The following CDH3 variants were observed in gnomAD, a reference collection of about 807,000 sequenced individuals.
CDH3 encodes the protein cadherin 3, also known as cadherin-3.
In CDH3, 54 loss-of-function variants were observed where a neutral mutation model predicts 82.0. The observed-to-expected ratio is 0.66, with a 90% CI of 0.53 to 0.83. The LOEUF is 0.83. Ranked by LOEUF, CDH3 falls within the 40% of genes least tolerant of loss-of-function variation. The pLI is 0.00. For missense variants in CDH3, 1,054 were observed against 1,084.6 expected (o/e 0.97, Z 0.40); for synonymous variants, 446 against 437.9 (o/e 1.02, Z -0.23).
intron 2 of CDH3, among the ~76,000 whole-genome samples, chr16:68,648,232 T>C (rs1230672312): frequency 6.6e-6 from 1 of 152,196 alleles, no homozygotes; most frequent in Non-Finnish European, 1.5e-5. Flanking sequence ...ATGAACTTCT[T>C]TGAGGGTGAC....
chr16:68,726,895 A>C (rs1316355961), intron 2 of CDH3, among the ~76,000 whole-genome samples: 1 of 152,060 alleles, frequency 6.6e-6, no homozygotes, highest in Admixed American at 6.6e-5. Flanking sequence ...TGTCATTTTT[A>C]TTGTGTGTGA....
chr16:68,678,627 C>A lies in CDH3; in HGVS notation c.517C>A (p.Leu173Met). The change falls in exon 5 of 16, where the codon CTG (leucine) becomes ATG (methionine). Residue 173 changes from leucine (L) to methionine (M), a missense_variant. Transcript: ENST00000264012. Reference sequence around the variant, plus strand: ...AGGCTGGTTGTTGTTGAATAAGCCACTGGACCGGGAGGAGATTGCCAAGTA... The same window carrying A: ...AGGCTGGTTGTTGTTGAATAAGCCAATGGACCGGGAGGAGATTGCCAAGTA... The part of the protein sequence containing the change: ...ETGWLLLNKP[L>M]DREEIAKYEL... 6.2e-7 allele frequency: 1 copy of A among 1,614,252 alleles called. No homozygotes were observed. Among genetic ancestry groups the A allele is most frequent in the Non-Finnish European group, 8.5e-7 (1 of 1,180,056 alleles).
chr16:68,661,512 T>C (rs1027117136), intron 2 of CDH3, among the ~76,000 whole-genome samples: 2 of 152,232 alleles, frequency 1.3e-5, no homozygotes, highest in African/African-American at 4.8e-5. Flanking sequence ...GAATAGTTTG[T>C]ATACATATTT....
rs17715450 is a variant in CDH3 at position 68,695,882 on chromosome 16, C to A, written c.2239C>A (p.Arg747=). The A allele has an allele frequency of 0.57, 913,344 of 1,613,546 alleles. 262,681 individuals are homozygous for A. The highest frequency in any genetic ancestry group is 0.59 in the Non-Finnish European group (696,860 of 1,179,726). Residue 747 remains arginine, a synonymous_variant, in exon 15 of 16, where the codon CGG becomes AGG. Transcript: ENST00000264012. ...TIIPTPMYRP[R]PANPDEIGNF... ...CATCCCGACACCCATGTACCGTCCTCGGCCAGCCAACCCAGATGAAATCGG... is the reference window on the plus strand; with the variant it reads ...CATCCCGACACCCATGTACCGTCCTAGGCCAGCCAACCCAGATGAAATCGG...
At chr16:68,673,931 C>G (rs1960961728) in intron 2 of CDH3, among the ~76,000 whole-genome samples, 1 of 152,020 alleles carries the variant, frequency 6.6e-6, no homozygotes, top group Non-Finnish European at 1.5e-5. Flanking sequence ...AAAAAAGATT[C>G]ATCTCTTGAT....
intron 1 of CDH3, among the ~76,000 whole-genome samples, chr16:68,713,469 C>T (rs1000706288): frequency 1.3e-5 from 2 of 151,856 alleles, no homozygotes; most frequent in Admixed American, 6.6e-5. Context: ...TACAAACCCT[C>T]CACCCCTCCT....
intron 6 of CDH3, among the ~76,000 whole-genome samples, chr16:68,679,114 T>C (rs1275318364): frequency 5.9e-5 from 9 of 152,218 alleles, no homozygotes; most frequent in Admixed American, 3.9e-4. Flanking sequence ...AAATTTTCCC[T>C]AAAGCTTCAG....
chr16:68,678,322 C>A, intron 4 of CDH3, 45 bp downstream of exon 4: 6 of 1,607,978 alleles, frequency 3.7e-6, no homozygotes, highest in Non-Finnish European at 5.1e-6. Flanking sequence ...GCTCCAGGGA[C>A]CCCCATCCAA....
chr16:68,655,123 TG>T (rs1333177364), intron 2 of CDH3, among the ~76,000 whole-genome samples: 1 of 152,120 alleles, frequency 6.6e-6, no homozygotes, highest in African/African-American at 2.4e-5. Flanking sequence ...GCAATCGTCT[TG>T]CCTCACCCTC....
At chr16:68,726,005 G>C (rs1567466502) in intron 2 of CDH3, among the ~76,000 whole-genome samples, 1 of 152,092 alleles carries the variant, frequency 6.6e-6, no homozygotes, top group Non-Finnish European at 1.5e-5. Context: ...GTTGCAGTGA[G>C]CTGAGATTGC....
chr16:68,653,851 G>A (rs1193552517), intron 2 of CDH3, among the ~76,000 whole-genome samples: 3 of 150,732 alleles, frequency 2.0e-5, no homozygotes, highest in Non-Finnish European at 3.0e-5. Flanking sequence ...AACCACGCCC[G>A]GCTAATTTTT....
chr16:68,686,666 C>T, intron 11 of CDH3: 1 of 826,880 alleles, frequency 1.2e-6, no homozygotes, highest in Non-Finnish European at 2.1e-6. Context: ...TGGTGACATT[C>T]TTGGAAAGTA....
At chr16:68,706,887 G>A (rs1961971933) in intron 1 of CDH3, among the ~76,000 whole-genome samples, 1 of 152,162 alleles carries the variant, frequency 6.6e-6, no homozygotes. Context: ...ATGAGGAGGG[G>A]CAGAAGGGCA....
rs773718880 is a variant in CDH3, at chr16:68,698,284, C to T, written c.2374C>T (p.Leu792=). ...GGGCAGCGGCTCCGACGCCGCGTCCCTGAGCTCCCTCACCTCCTCCGCCTC... is the reference window on the plus strand; with the variant it reads ...GGGCAGCGGCTCCGACGCCGCGTCCTTGAGCTCCCTCACCTCCTCCGCCTC... The part of the protein sequence containing the change: ...YEGSGSDAAS[L]SSLTSSASDQ... The change falls in exon 16 of 16, where the codon CTG becomes TTG. Residue 792 remains leucine (L), a synonymous_variant. Transcript: ENST00000264012. 44 of 1,614,146 alleles carry T rather than the reference C, an allele frequency of 2.7e-5. No individual in the cohort carries two copies. Among genetic ancestry groups the T allele is most frequent in the Non-Finnish European group, 3.6e-5 (42 of 1,180,054 alleles).
chr16:68,714,669 A>G (rs1412148149), intron 1 of CDH3, among the ~76,000 whole-genome samples: 2 of 152,160 alleles, frequency 1.3e-5, no homozygotes, highest in East Asian at 1.9e-4. Context: ...ATAGCTGTAG[A>G]GCACTTTCAG....
chr16:68,678,350 C>T (rs977811696), intron 4 of CDH3, 73 bp downstream of exon 4: 1 of 1,598,170 alleles, frequency 6.3e-7, no homozygotes, highest in South Asian at 1.1e-5. Flanking sequence ...CATGAGATTT[C>T]TTGCTACTGA....
intron 1 of CDH3, among the ~76,000 whole-genome samples, chr16:68,712,490 G>T (rs1407371403): frequency 6.6e-6 from 1 of 152,088 alleles, no homozygotes; most frequent in South Asian, 2.1e-4. Context: ...TTCTAAGAGC[G>T]GGTAGTCTAT....
intron 1 of CDH3, among the ~76,000 whole-genome samples, chr16:68,705,509 C>G (rs1256176853): frequency 6.6e-6 from 1 of 152,014 alleles, no homozygotes; most frequent in Non-Finnish European, 1.5e-5. Context: ...CAAACCTCCA[C>G]CTCCCGAGTT....
chr16:68,728,548 A>C (rs1211270727), downstream of CDH3, among the ~76,000 whole-genome samples: 3 of 149,576 alleles, frequency 2.0e-5, no homozygotes, highest in African/African-American at 7.3e-5. Flanking sequence ...TGCCTGCCTC[A>C]GCCTCCCAAA....
Sources: gnomAD v4.1 joint callset for allele counts (sites outside exome capture counted in the v4.1 genomes callset) on GRCh38, gnomAD v4.1.1 for gene constraint, MANE v1.5 for transcripts, NCBI Gene and HGNC (gene_info 2026-07-23, HGNC 2026-07-21) for gene names.